The following THRA variants were observed in gnomAD, a reference collection of about 807,000 sequenced individuals.
The protein encoded by THRA is thyroid hormone receptor alpha.
THRA carries 13 observed loss-of-function variants against 45.0 expected under a neutral mutation model. The observed-to-expected ratio is 0.29, with a 90% CI of 0.19 to 0.46. The LOEUF is 0.46. Ranked by LOEUF, THRA falls within the 20% of genes least tolerant of loss-of-function variation. THRA has a pLI of 1.00. For missense variants in THRA, 278 were observed against 556.1 expected, an observed-to-expected ratio of 0.50 and a Z score of 5.03; for synonymous variants, 195 against 214.0, an observed-to-expected ratio of 0.91 and a Z score of 0.78.
intron 1 of THRA, among the ~76,000 whole-genome samples, chr17:40,065,387 G>T (rs1986517284): frequency 6.6e-6 from 1 of 152,210 alleles, no homozygotes; most frequent in Middle Eastern, 3.4e-3. Context: ...AGAGGCCATC[G>T]GCTGGCGAGT....
At chr17:40,076,989 C>G (rs1986978284) in intron 3 of THRA, 51 bp downstream of exon 3, 1 of 1,573,920 alleles carries the variant, frequency 6.4e-7, no homozygotes, top group African/African-American at 1.4e-5. Context: ...CCCACCAAAC[C>G]CAGCCAGGGC....
chr17:40,069,153 CTCTCTG>C (rs1475515931), intron 1 of THRA: 1 of 148,034 alleles, frequency 6.8e-6, no homozygotes, highest in Non-Finnish European at 1.5e-5. Flanking sequence ...CCCCCTCCCC[CTCTCTG>C]TCTCTCCCTC....
rs1987495568 is a variant in THRA at position 40,090,586 on chromosome 17, A to C, written c.*1130A>C. On this transcript the variant is annotated 3_prime_UTR_variant, in exon 9 of 9. Transcript: ENST00000450525. ...GTCGGGGGTAGGAGGGCTGTGCGTG[A>C]GCGTCTCCCAGAACCCTCCACCCCT... The C allele has an allele frequency of 6.6e-6, 1 of 151,808 alleles. No individual in the cohort carries two copies. Among genetic ancestry groups the C allele is most frequent in the African/African-American group, 2.4e-5 (1 of 41,258 alleles). 9.4% of individuals were successfully genotyped at this position (151,808 alleles called of 1,614,324 possible). A position where few individuals can be genotyped will look rare whatever the true frequency, so the allele number is the denominator to read the frequency against.
rs1425686102 is a variant in THRA at position 40,089,536 on chromosome 17, A to G, written c.*80A>G. 3.6e-5 allele frequency: 55 copies of G among 1,515,806 alleles called. No homozygotes were observed. The highest frequency in any genetic ancestry group is 4.8e-5 in the Non-Finnish European group (54 of 1,135,020). 93.9% of individuals were successfully genotyped at this position (1,515,806 alleles called of 1,614,324 possible). A position where few individuals can be genotyped will look rare whatever the true frequency, so the allele number is the denominator to read the frequency against. ...GGGGCAGAGCTGGGGGCTGAGGGAG[A>G]CCCCCCCACACCCCTTCTCTCCTTC... On this transcript the variant is annotated 3_prime_UTR_variant, in exon 9 of 9. Transcript: ENST00000450525. The surrounding 1 kb of genome is among the most constrained non-coding windows in gnomAD (Gnocchi z 6.1).
chr17:40,074,522 TCAGACC>T lies in THRA; in HGVS notation c.39_44del (p.Asp13_Pro14del). 6.2e-7 allele frequency: 1 copy of T among 1,614,026 alleles called. No individual in the cohort carries two copies. Among genetic ancestry groups the T allele is most frequent in the Non-Finnish European group, 8.5e-7 (1 of 1,179,920 alleles). ...GAAGCCAAGCAAGGTGGAGTGTGGGTCAGACCCAGAGGAGAACAGGTAATGGGTTCA... is the reference window on the plus strand; with the variant it reads ...GAAGCCAAGCAAGGTGGAGTGTGGGTCAGAGGAGAACAGGTAATGGGTTCA... On this transcript the variant is annotated inframe_deletion, in exon 2 of 9. Transcript: ENST00000450525.
chr17:40,089,220 CTG>C lies in THRA; in HGVS notation c.1004_1005del (p.Val335GlyfsTer38). 3 of 1,613,954 alleles carry C rather than the reference CTG, an allele frequency of 1.9e-6. No homozygotes were observed. Among genetic ancestry groups the C allele is most frequent in the Non-Finnish European group, 2.5e-6 (3 of 1,180,008 alleles). ...TTCCCTCACAGACCGCTCGGGCCTG[CTG>C]TGTGTGGACAAGATCGAGAAGAGTC... ...LLMSTDRSGLLCVDKIEKSQE... is the reference protein window; with the variant it reads ...LLMSTDRSGLXCVDKIEKSQE... On this transcript the variant is annotated frameshift_variant, in exon 9 of 9. Transcript: ENST00000450525. LOFTEE classifies it high-confidence loss of function. The surrounding 1 kb of genome is among the most constrained non-coding windows in gnomAD (Gnocchi z 6.1).
chr17:40,082,758 C>CTTTTTTTT (rs920725279), intron 4 of THRA, among the ~76,000 whole-genome samples: 1 of 67,518 alleles, frequency 1.5e-5, no homozygotes, highest in African/African-American at 6.3e-5. Flanking sequence ...GAATCGCATG[C>CTTTTTTTT]TTTTTTTTTT....
chr17:40,064,533 T>C (rs1471022063), intron 1 of THRA, among the ~76,000 whole-genome samples: 1 of 152,090 alleles, frequency 6.6e-6, no homozygotes, highest in Non-Finnish European at 1.5e-5. Flanking sequence ...CCTGGACTCT[T>C]TACTGTGGAG....
chr17:40,093,491 G>A (rs972721610), downstream of THRA: 8 of 1,452,492 alleles, frequency 5.5e-6, no homozygotes, highest in South Asian at 7.1e-5. This position sits in a 1 kb window ranked among gnomAD's most constrained non-coding sequence, Gnocchi z 5.9. Flanking sequence ...GCTCAGCAGG[G>A]CTGGTCACCT....
At chr17:40,078,873 A>G (rs1430460789) in intron 4 of THRA, among the ~76,000 whole-genome samples, 1 of 151,756 alleles carries the variant, frequency 6.6e-6, no homozygotes, top group Non-Finnish European at 1.5e-5. Flanking sequence ...CTGGGACTAC[A>G]GGCACCTGCC....
chr17:40,069,159 G>T (rs9893741), intron 1 of THRA, among the ~76,000 whole-genome samples: 1 of 126,704 alleles, frequency 7.9e-6, no homozygotes, highest in Non-Finnish European at 1.7e-5. Flanking sequence ...CCCCCTCTCT[G>T]TCTCTCCCTC....
At chr17:40,083,044 C>T (rs1010419355) in intron 4 of THRA, among the ~76,000 whole-genome samples, 15 of 151,896 alleles carry the variant, frequency 9.9e-5, no homozygotes, top group African/African-American at 3.6e-4. Context: ...TCTCCTGCCT[C>T]AGCCTCCCGA....
intron 1 of THRA, 113 bp downstream of exon 1, chr17:40,063,205 G>A (rs1371405554): frequency 6.6e-6 from 1 of 152,310 alleles, no homozygotes; most frequent in Admixed American, 6.5e-5. Context: ...CCCAGGGGGT[G>A]CCTGCTGCCA....
intron 2 of THRA, among the ~76,000 whole-genome samples, chr17:40,074,862 T>G (rs1986895916): frequency 6.6e-6 from 1 of 152,258 alleles, no homozygotes; most frequent in Non-Finnish European, 1.5e-5. Context: ...CTTGAGCATG[T>G]GGGATCCAAA....
intron 7 of THRA, among the ~76,000 whole-genome samples, chr17:40,087,881 C>T (rs1005863233): frequency 6.6e-6 from 1 of 152,198 alleles, no homozygotes. Flanking sequence ...GCCTTAGCCT[C>T]CTGAGTAGCT....
At chr17:40,088,591 ATCT>A (rs776737476) in intron 8 of THRA, 91 bp downstream of exon 8, 62 of 1,487,958 alleles carry the variant, frequency 4.2e-5, no homozygotes, top group Admixed American at 5.9e-5. Context: ...TCCCTCCTGA[ATCT>A]TCTTCTGGGC....
In THRA at chr17:40,089,931, C is replaced by A; in HGVS notation, c.*475C>A. The stretch of plus-strand genomic sequence containing the variant: ...TCCCCAGATGCCTGGGTGCAAAGAA[C>A]GGCTTGGCTTGGCTCCTCCTCTGGA... On this transcript the variant is annotated 3_prime_UTR_variant, in exon 9 of 9. Coordinates refer to ENST00000450525, the MANE Select transcript of THRA (RefSeq NM_199334.5). This position sits in a 1 kb window ranked among gnomAD's most constrained non-coding sequence, Gnocchi z 6.1. 1 of 994,646 alleles carries A rather than the reference C, an allele frequency of 1.0e-6. No individual in the cohort carries two copies. The highest frequency in any genetic ancestry group is 1.7e-5 in the African/African-American group (1 of 57,494). The allele number at this position is 994,646 out of a possible 1,614,324, so 61.6% of individuals were successfully genotyped here.
Position 40,088,391 on chromosome 17 carries a change from C to T in THRA, c.873C>T (p.Gly291=). ...AGCGGGAGCAGCTCAAGAATGGCGG[C>T]CTGGGCGTAGTCTCCGACGCCATCT... ...AVKREQLKNG[G]LGVVSDAIFE... is the part of the protein sequence containing the mutation. Residue 291 remains glycine, a synonymous_variant, in exon 8 of 9, where the codon GGC becomes GGT. Transcript: ENST00000450525. The T allele has an allele frequency of 6.2e-7, 1 of 1,614,152 alleles. No individual in the cohort carries two copies. Among genetic ancestry groups the T allele is most frequent in the Non-Finnish European group, 8.5e-7 (1 of 1,180,002 alleles).
upstream of THRA, chr17:40,062,859 G>A (rs866832828): frequency 3.4e-5 from 5 of 147,242 alleles, no homozygotes; most frequent in Non-Finnish European, 6.1e-5. Flanking sequence ...CGCCGAGCCC[G>A]AGCCCCAGCC....
Sources: allele counts gnomAD v4.1 joint callset (sites outside exome capture counted in the v4.1 genomes callset), GRCh38; gene constraint gnomAD v4.1.1; non-coding constraint Gnocchi (gnomAD v3.1); transcripts MANE v1.5; gene names NCBI Gene and HGNC (gene_info 2026-07-23, HGNC 2026-07-21).